ARHGEF3: variants seen among roughly 807,000 people sequenced by gnomAD.
ARHGEF3 encodes Rho guanine nucleotide exchange factor 3.
A neutral mutation model predicts 63.2 loss-of-function variants in ARHGEF3; 28 were observed. The ratio of observed to expected loss-of-function variants is 0.44; its 90% confidence interval spans 0.33 to 0.61. ARHGEF3 has a LOEUF of 0.61. ARHGEF3 is among the 20% of genes least tolerant of loss of function. The pLI, the probability that ARHGEF3 is intolerant of heterozygous loss-of-function variation, is 0.03. For missense variants in ARHGEF3, 533 were observed against 659.3 expected (o/e 0.81, Z 2.10); for synonymous variants, 266 against 254.2 (o/e 1.05, Z -0.44).
chr3:56,898,881 C>A (rs2041406371), intron 3 of ARHGEF3, among the ~76,000 whole-genome samples: 1 of 152,076 alleles, frequency 6.6e-6, no homozygotes, highest in Non-Finnish European at 1.5e-5. Context: ...ATGGTGAAAC[C>A]CCGTCTCTAC....
At chr3:56,758,477 T>C (rs2035233380) in intron 2 of ARHGEF3, among the ~76,000 whole-genome samples, 1 of 151,512 alleles carries the variant, frequency 6.6e-6, no homozygotes, top group Admixed American at 6.6e-5. Flanking sequence ...AAATGAAAAA[T>C]GTAAAAAGAA....
chr3:56,905,355 T>C (rs770757482), intron 3 of ARHGEF3, among the ~76,000 whole-genome samples: 133 of 152,242 alleles, frequency 8.7e-4, no homozygotes, highest in Middle Eastern at 3.4e-3. Flanking sequence ...TAACACACTA[T>C]AGGTACTGCT....
chr3:56,756,300 C>A (rs2035061685), intron 2 of ARHGEF3, among the ~76,000 whole-genome samples: 1 of 152,172 alleles, frequency 6.6e-6, no homozygotes, highest in Non-Finnish European at 1.5e-5. Context: ...GTGTTCCCTG[C>A]CATGGCTCTC....
intron 3 of ARHGEF3, among the ~76,000 whole-genome samples, chr3:56,909,516 G>T (rs1435053498): frequency 6.6e-6 from 1 of 152,158 alleles, no homozygotes; most frequent in Non-Finnish European, 1.5e-5. Flanking sequence ...AAGATCACAA[G>T]CATTTAACAG....
At chr3:57,043,430 C>T (rs1416554872) in intron 1 of ARHGEF3, among the ~76,000 whole-genome samples, 2 of 150,056 alleles carry the variant, frequency 1.3e-5, no homozygotes, top group African/African-American at 5.0e-5. Flanking sequence ...TAGCATTTTA[C>T]AACACCAACA....
At chr3:57,019,496 A>T (rs533729151) in intron 2 of ARHGEF3, among the ~76,000 whole-genome samples, 1 of 152,260 alleles carries the variant, frequency 6.6e-6, no homozygotes, top group Admixed American at 6.5e-5. Flanking sequence ...GTGCTTGAAC[A>T]AGTGCTACAC....
intron 2 of ARHGEF3, among the ~76,000 whole-genome samples, chr3:57,013,073 G>A (rs1680683781): frequency 2.0e-5 from 3 of 152,310 alleles, no homozygotes; most frequent in South Asian, 2.1e-4. Context: ...CGCCACACTC[G>A]AATTCTCGCT....
intron 2 of ARHGEF3, among the ~76,000 whole-genome samples, chr3:56,968,025 T>C (rs1700670460): frequency 2.4e-5 from 1 of 42,496 alleles, no homozygotes; most frequent in Non-Finnish European, 3.9e-5. Context: ...ATAAAACATA[T>C]ATATTTAATA....
At chr3:56,772,465 A>G (rs772033831) in intron 2 of ARHGEF3, among the ~76,000 whole-genome samples, 1 of 152,198 alleles carries the variant, frequency 6.6e-6, no homozygotes, top group Non-Finnish European at 1.5e-5. Context: ...AGAGATACAA[A>G]ATATTGCCAA....
chr3:57,014,361 A>C (rs981693410), intron 2 of ARHGEF3, among the ~76,000 whole-genome samples: 2 of 152,168 alleles, frequency 1.3e-5, no homozygotes, highest in South Asian at 4.1e-4. Context: ...CTTAACCACT[A>C]CAGCACCTTC....
At chr3:56,831,121 A>G (rs550054948) in intron 4 of ARHGEF3, among the ~76,000 whole-genome samples, 8 of 152,328 alleles carry the variant, frequency 5.3e-5, no homozygotes, top group East Asian at 1.9e-4. Flanking sequence ...ATGGAGTCCA[A>G]TAAATATTTA....
chr3:57,034,412 A>C (rs1703863945), intron 2 of ARHGEF3, among the ~76,000 whole-genome samples: 1 of 152,098 alleles, frequency 6.6e-6, no homozygotes, highest in South Asian at 2.1e-4. Flanking sequence ...GCCACTCACA[A>C]ATGCTGGCAC....
chr3:57,030,273 T>C (rs2107204727), intron 2 of ARHGEF3, among the ~76,000 whole-genome samples: 1 of 152,218 alleles, frequency 6.6e-6, no homozygotes, highest in Middle Eastern at 3.4e-3. Context: ...GGCCCTTCCC[T>C]CCAGGAGAGT....
intron 2 of ARHGEF3, among the ~76,000 whole-genome samples, chr3:56,993,768 GGATGAAA>G (rs1319893247): frequency 1.3e-5 from 2 of 151,512 alleles, no homozygotes; most frequent in African/African-American, 2.4e-5. Flanking sequence ...CAGTGATCAT[GGATGAAA>G]GCACACTGTA....
chr3:56,777,314 G>A (rs74757640), intron 1 of ARHGEF3, among the ~76,000 whole-genome samples: 28 of 152,296 alleles, frequency 1.8e-4, no homozygotes, highest in East Asian at 7.7e-4. Flanking sequence ...GAAAAGAAGC[G>A]ACGGGTGGGA....
In ARHGEF3 at chr3:56,745,358, C is replaced by T; in HGVS notation, c.717G>A (p.Gln239=). The T allele has an allele frequency of 6.2e-7, 1 of 1,613,994 alleles. No homozygotes were observed. The highest frequency in any genetic ancestry group is 8.5e-7 in the Non-Finnish European group (1 of 1,180,010). ...GGCTAAAGGGGGATTCTAAACATCGCTGTAGGAAATCCTGGACTCGGTGAT... is the reference window on the plus strand; with the variant it reads ...GGCTAAAGGGGGATTCTAAACATCGTTGTAGGAAATCCTGGACTCGGTGAT... The part of the protein sequence containing the change: ...KQDHRVQDFL[Q]RCLESPFSRK... The change falls in exon 7 of 10, where the codon CAG becomes CAA. Residue 239 remains glutamine, a synonymous_variant. Coordinates refer to ENST00000296315, the MANE Select transcript of ARHGEF3 (RefSeq NM_019555.3).
At chr3:56,739,785 G>T (rs1402707896) in intron 7 of ARHGEF3, among the ~76,000 whole-genome samples, 1 of 152,146 alleles carries the variant, frequency 6.6e-6, no homozygotes, top group African/African-American at 2.4e-5. Context: ...TATAACTTTT[G>T]TACTTCCACA....
At position 56,845,989 on chromosome 3, in the gene ARHGEF3, A is replaced by G. The variant is rs373441496; in HGVS notation, c.192+36303T>C. On this transcript the variant is annotated intron_variant, in intron 4 of 12. Transcript: ENST00000338458. ...TAGACTTCCACTGTGATAATGAAACAAAAATGCAGCATCACTCGCTCTCTC... is the reference window on the plus strand; with the variant it reads ...TAGACTTCCACTGTGATAATGAAACGAAAATGCAGCATCACTCGCTCTCTC... Among the ~76,000 whole-genome samples, 37 of 152,310 alleles carry G rather than the reference A, an allele frequency of 2.4e-4. 2 individuals carry two copies. Among genetic ancestry groups the G allele is most frequent in the Admixed American group, 7.2e-4 (11 of 15,300 alleles).
At chr3:57,041,160 C>T (rs917514706) in intron 1 of ARHGEF3, among the ~76,000 whole-genome samples, 19 of 152,182 alleles carry the variant, frequency 1.2e-4, no homozygotes, top group African/African-American at 4.6e-4. Flanking sequence ...CCATTCTGTT[C>T]CTAGTTCTGA....
Sources: gnomAD v4.1 joint callset for allele counts (sites outside exome capture counted in the v4.1 genomes callset) on GRCh38, gnomAD v4.1.1 for gene constraint, MANE v1.5 for transcripts, NCBI Gene and HGNC (gene_info 2026-07-23, HGNC 2026-07-21) for gene names.